Variants in GRIN2A observed in about 807,000 individuals in gnomAD.
GRIN2A encodes glutamate receptor ionotropic, NMDA 2A.
GRIN2A carries 22 observed loss-of-function variants against 113.4 expected under a neutral mutation model. The observed-to-expected ratio is 0.19, with a 90% CI of 0.14 to 0.28. GRIN2A has a LOEUF of 0.28. GRIN2A is among the 10% of genes least tolerant of loss of function. GRIN2A has a pLI of 1.00. For synonymous variants in GRIN2A, 827 were observed against 738.4 expected (o/e 1.12, Z -1.94); for missense variants, 1,502 against 1,887.0 (o/e 0.80, Z 3.78).
chr16:9,997,681 G>C (rs892658797), intron 2 of GRIN2A, among the ~76,000 whole-genome samples: 1 of 152,090 alleles, frequency 6.6e-6, no homozygotes, highest in Non-Finnish European at 1.5e-5. Flanking sequence ...ATTTCATCTT[G>C]AATCATAGCT....
chr16:9,858,427 A>G (rs1303688313), intron 4 of GRIN2A, among the ~76,000 whole-genome samples: 1 of 152,102 alleles, frequency 6.6e-6, no homozygotes, highest in Admixed American at 6.5e-5. Flanking sequence ...TTCTCAATTC[A>G]ACAAAATAGG....
intron 2 of GRIN2A, among the ~76,000 whole-genome samples, chr16:10,028,586 A>AT (rs781491917): frequency 6.6e-6 from 1 of 152,206 alleles, no homozygotes; most frequent in Non-Finnish European, 1.5e-5. Context: ...GAGCCACAAG[A>AT]TAGTGGAGAC....
At chr16:9,793,021 A>G (rs1596413381) in intron 11 of GRIN2A, among the ~76,000 whole-genome samples, 1 of 152,212 alleles carries the variant, frequency 6.6e-6, no homozygotes, top group East Asian at 1.9e-4. Context: ...AGACCCACTG[A>G]AACAGTCTTT....
At chr16:9,964,494 A>G (rs2045511903) in intron 2 of GRIN2A, among the ~76,000 whole-genome samples, 1 of 152,146 alleles carries the variant, frequency 6.6e-6, no homozygotes, top group Non-Finnish European at 1.5e-5. Context: ...ATTGTCTTAT[A>G]CTTCTGTGGT....
At chr16:9,986,762 C>CT (rs1359144633) in intron 2 of GRIN2A, among the ~76,000 whole-genome samples, 2 of 63,726 alleles carry the variant, frequency 3.1e-5, no homozygotes, top group African/African-American at 1.7e-4. Flanking sequence ...AAGACGCTGT[C>CT]TCAAAAAAAA....
chr16:10,036,031 T>C (rs989459185), intron 2 of GRIN2A, among the ~76,000 whole-genome samples: 14 of 152,270 alleles, frequency 9.2e-5, no homozygotes, highest in Admixed American at 2.6e-4. Flanking sequence ...GCACGATTAA[T>C]GGATTTCTAT....
chr16:9,851,008 C>T (rs1596496413), intron 4 of GRIN2A, among the ~76,000 whole-genome samples: 1 of 152,238 alleles, frequency 6.6e-6, no homozygotes. Flanking sequence ...GAAAACACCT[C>T]GTGTGAAAAG....
chr16:9,875,119 CACA>C (rs199661849), intron 4 of GRIN2A, among the ~76,000 whole-genome samples: 12,111 of 151,464 alleles, frequency 0.08, 663 homozygotes, highest in Middle Eastern at 0.18. Context: ...CCTCAGTCCC[CACA>C]AGTAGCTGGG....
chr16:9,857,570 G>A (rs1178724781), intron 4 of GRIN2A, among the ~76,000 whole-genome samples: 2 of 152,208 alleles, frequency 1.3e-5, no homozygotes, highest in African/African-American at 2.4e-5. Context: ...AGCCACTCTG[G>A]CTTCAAATCC....
intron 4 of GRIN2A, 144 bp downstream of exon 4, chr16:9,890,842 T>C (rs2043679152): frequency 1.5e-6 from 1 of 670,222 alleles, no homozygotes; most frequent in Non-Finnish European, 2.7e-6. Context: ...GTCTGCCTTG[T>C]TGCAAGAAAG....
chr16:10,176,214 A>C (rs1285809402), intron 2 of GRIN2A, among the ~76,000 whole-genome samples: 1 of 152,016 alleles, frequency 6.6e-6, no homozygotes, highest in East Asian at 1.9e-4. Context: ...CATGTTGGCC[A>C]GGCTGGTCTT....
chr16:10,097,679 G>T (rs1377139305), intron 2 of GRIN2A, among the ~76,000 whole-genome samples: 1 of 152,122 alleles, frequency 6.6e-6, no homozygotes, highest in East Asian at 1.9e-4. Context: ...ATAAATGTGG[G>T]CAGATCCCTA....
intron 2 of GRIN2A, among the ~76,000 whole-genome samples, chr16:10,092,653 C>T (rs532736441): frequency 6.1e-4 from 93 of 152,244 alleles, no homozygotes; most frequent in African/African-American, 2.2e-3. Context: ...GAGGTCAGTT[C>T]TATTTTATCC....
At chr16:9,983,408 T>C (rs2045926080) in intron 2 of GRIN2A, among the ~76,000 whole-genome samples, 1 of 152,150 alleles carries the variant, frequency 6.6e-6, no homozygotes, top group Non-Finnish European at 1.5e-5. Flanking sequence ...AGCTCATCCA[T>C]GTTGCCACGA....
intron 2 of GRIN2A, among the ~76,000 whole-genome samples, chr16:10,048,937 C>G (rs1030002363): frequency 6.6e-6 from 1 of 152,138 alleles, no homozygotes; most frequent in East Asian, 1.9e-4. Context: ...AGGAAGGAGC[C>G]GAGGGAGAGA....
At chr16:9,913,563 T>C (rs1392429238) in intron 3 of GRIN2A, among the ~76,000 whole-genome samples, 1 of 152,208 alleles carries the variant, frequency 6.6e-6, no homozygotes, top group African/African-American at 2.4e-5. Context: ...GGCACAGTGC[T>C]GGGTGTTTAA....
chr16:10,095,319 T>C (rs1261254850), intron 2 of GRIN2A, among the ~76,000 whole-genome samples: 1 of 152,206 alleles, frequency 6.6e-6, no homozygotes, highest in Admixed American at 6.5e-5. Flanking sequence ...AAGACAAGAA[T>C]GTGTCAAAAG....
intron 2 of GRIN2A, among the ~76,000 whole-genome samples, chr16:10,096,562 A>G (rs1356380488): frequency 1.3e-5 from 2 of 151,562 alleles, no homozygotes; most frequent in African/African-American, 4.9e-5. Context: ...ACACACACAC[A>G]CACACACACA....
intron 2 of GRIN2A, among the ~76,000 whole-genome samples, chr16:10,040,883 A>G (rs371856165): frequency 6.6e-6 from 1 of 152,216 alleles, no homozygotes; most frequent in Admixed American, 6.5e-5. Flanking sequence ...CGTCGTATCT[A>G]TGCTCTGCGA....
Sources: allele counts gnomAD v4.1 joint callset (sites outside exome capture counted in the v4.1 genomes callset), GRCh38; gene constraint gnomAD v4.1.1; transcripts MANE v1.5; gene names NCBI Gene and HGNC (gene_info 2026-07-23, HGNC 2026-07-21).